The following RPA3 variants were observed in gnomAD, a reference collection of about 807,000 sequenced individuals.
RPA3 encodes the protein replication protein A3, also known as replication protein A 14 kDa subunit.
In RPA3, 24 loss-of-function variants were observed where a neutral mutation model predicts 13.7. That is an observed-to-expected ratio of 1.75 (90% confidence interval 1.27 to 2.46). RPA3 has a LOEUF of 2.46. Among genes scored for constraint, RPA3 ranks in the 30% most tolerant of loss-of-function variants. The pLI is 0.00. For missense variants in RPA3, 183 were observed against 151.0 expected, an observed-to-expected ratio of 1.21 and a Z score of -1.11; for synonymous variants, 59 against 51.2, an observed-to-expected ratio of 1.15 and a Z score of -0.65.
intron 2 of RPA3, among the ~76,000 whole-genome samples, chr7:7,708,452 T>C (rs1780659932): frequency 6.6e-6 from 1 of 152,202 alleles, no homozygotes; most frequent in African/African-American, 2.4e-5. Context: ...ATCACCCATG[T>C]ATTTATTAGA....
chr7:7,637,329 T>A (rs1784881187), intron 7 of RPA3, among the ~76,000 whole-genome samples: 1 of 152,188 alleles, frequency 6.6e-6, no homozygotes, highest in South Asian at 2.1e-4. Flanking sequence ...TGTTATGCAT[T>A]ATTCAATTCC....
intron 4 of RPA3, among the ~76,000 whole-genome samples, chr7:7,675,809 G>T (rs1779724970): frequency 6.6e-6 from 1 of 152,160 alleles, no homozygotes. Context: ...TGCAGCTGGT[G>T]CTGTACCTGG....
chr7:7,643,001 T>C (rs1785009750), intron 4 of RPA3, among the ~76,000 whole-genome samples: 1 of 152,320 alleles, frequency 6.6e-6, no homozygotes, highest in South Asian at 2.1e-4. Flanking sequence ...TTGACGAATG[T>C]ACGTAGATCA....
intron 4 of RPA3, among the ~76,000 whole-genome samples, chr7:7,682,137 A>G (rs1459523148): frequency 6.6e-6 from 1 of 152,178 alleles, no homozygotes; most frequent in East Asian, 1.9e-4. Flanking sequence ...CATGGTTTTC[A>G]GAATATGCAG....
intron 4 of RPA3, among the ~76,000 whole-genome samples, chr7:7,674,055 A>G (rs1180373382): frequency 6.6e-6 from 1 of 152,176 alleles, no homozygotes; most frequent in East Asian, 1.9e-4. Flanking sequence ...CCCTGAGGAA[A>G]AGTTTTGCAC....
At chr7:7,673,521 A>G (rs1206606153) in intron 4 of RPA3, 2 of 661,584 alleles carry the variant, frequency 3.0e-6, no homozygotes, top group African/African-American at 3.6e-5. Context: ...CTTGAAAATT[A>G]TATGATTGAT....
intron 4 of RPA3, among the ~76,000 whole-genome samples, chr7:7,662,794 T>C (rs1236054842): frequency 6.6e-6 from 1 of 152,214 alleles, no homozygotes; most frequent in Non-Finnish European, 1.5e-5. Context: ...CATGTATTTT[T>C]AAAATGGTTA....
At chr7:7,668,347 A>G (rs1779522333) in intron 4 of RPA3, among the ~76,000 whole-genome samples, 1 of 152,164 alleles carries the variant, frequency 6.6e-6, no homozygotes, top group Admixed American at 6.5e-5. Context: ...TGTTTCAGTT[A>G]CTTATGGCAA....
At chr7:7,655,322 A>G (rs966535653) in intron 4 of RPA3, among the ~76,000 whole-genome samples, 1 of 152,226 alleles carries the variant, frequency 6.6e-6, no homozygotes, top group African/African-American at 2.4e-5. Flanking sequence ...CACGTGTCTC[A>G]TTTGGAAAAA....
intron 2 of RPA3, among the ~76,000 whole-genome samples, chr7:7,712,515 AG>A (rs1217916150): frequency 2.0e-5 from 3 of 152,312 alleles, no homozygotes; most frequent in Admixed American, 2.0e-4. Flanking sequence ...TTGCCAGCAT[AG>A]AAACATGTAG....
intron 4 of RPA3, among the ~76,000 whole-genome samples, chr7:7,646,480 A>ATTTTTTTTTTTTTTTTTTTTTTTTT (rs35948027): frequency 1.8e-5 from 2 of 111,360 alleles, no homozygotes; most frequent in Non-Finnish European, 3.5e-5. Flanking sequence ...CTTTCGCTGG[A>ATTTTTTTTTTTTTTTTTTTTTTTTT]TTTTTTTTTT....
At chr7:7,716,863 G>A (rs1368868771) in intron 1 of RPA3, among the ~76,000 whole-genome samples, 9 of 151,998 alleles carry the variant, frequency 5.9e-5, no homozygotes, top group African/African-American at 1.9e-4. Flanking sequence ...GGAGAATGGC[G>A]TGAACCTGGG....
At chr7:7,680,304 C>T (rs1005444078) in intron 4 of RPA3, among the ~76,000 whole-genome samples, 7 of 152,114 alleles carry the variant, frequency 4.6e-5, no homozygotes, top group Non-Finnish European at 8.8e-5. Flanking sequence ...ACTTCCTTTT[C>T]CCAATGTATA....
At chr7:7,681,929 A>G (rs776277032) in intron 4 of RPA3, among the ~76,000 whole-genome samples, 2 of 152,218 alleles carry the variant, frequency 1.3e-5, no homozygotes, top group East Asian at 1.9e-4. Context: ...TTAGCTTATT[A>G]TGTTATAGCA....
At chr7:7,639,688 C>T (rs28916300) in intron 5 of RPA3, among the ~76,000 whole-genome samples, 2 of 152,182 alleles carry the variant, frequency 1.3e-5, no homozygotes, top group African/African-American at 2.4e-5. Flanking sequence ...CTTGGGAAGT[C>T]AGAGCAACAC....
At chr7:7,709,950 T>G (rs1583761550) in intron 2 of RPA3, among the ~76,000 whole-genome samples, 2 of 152,166 alleles carry the variant, frequency 1.3e-5, no homozygotes, top group East Asian at 1.9e-4. Flanking sequence ...TCTGCTTTTT[T>G]GGGGTCTCTT....
At chr7:7,715,298 C>T (rs956041701) in intron 1 of RPA3, 72 bp from the exon 2 acceptor site, 4 of 151,908 alleles carry the variant, frequency 2.6e-5, no homozygotes, top group African/African-American at 4.8e-5. Context: ...ACAGTTTCAT[C>T]AATGATCTTG....
chr7:7,660,697 T>C (rs1785453447), intron 4 of RPA3, among the ~76,000 whole-genome samples: 1 of 152,244 alleles, frequency 6.6e-6, no homozygotes, highest in African/African-American at 2.4e-5. Flanking sequence ...CTTCCCTTTG[T>C]GGGTAACCCA....
chr7:7,705,606 A>G (rs1384114887), intron 2 of RPA3, among the ~76,000 whole-genome samples: 1 of 152,206 alleles, frequency 6.6e-6, no homozygotes, highest in Non-Finnish European at 1.5e-5. Flanking sequence ...TTATAGGGAT[A>G]ATGAATTAGA....
Sources: allele counts gnomAD v4.1 joint callset (sites outside exome capture counted in the v4.1 genomes callset), GRCh38; gene constraint gnomAD v4.1.1; transcripts MANE v1.5; gene names NCBI Gene and HGNC (gene_info 2026-07-23, HGNC 2026-07-21).